RTTN: variants seen among roughly 807,000 people sequenced by gnomAD.
RTTN encodes the protein rotatin.
Under a neutral mutation model 269.2 loss-of-function variants are expected in RTTN, and 182 were observed. The ratio of observed to expected loss-of-function variants is 0.68; its 90% CI spans 0.60 to 0.76. The LOEUF is 0.76. Ranked by LOEUF, RTTN falls within the 30% of genes least tolerant of loss-of-function variation. RTTN has a pLI of 0.00. For synonymous variants in RTTN, 1,006 were observed against 963.5 expected (o/e 1.04, Z -0.82); for missense variants, 2,545 against 2,608.6 (o/e 0.98, Z 0.53).
chr18:70,170,678 C>G (rs753104527), intron 11 of RTTN, among the ~76,000 whole-genome samples: 3 of 152,144 alleles, frequency 2.0e-5, no homozygotes, highest in Non-Finnish European at 2.9e-5. Context: ...AGGAATTGTC[C>G]TCTGCTGAAA....
At chr18:70,173,064 T>C (rs1220404031) in intron 11 of RTTN, among the ~76,000 whole-genome samples, 1 of 152,118 alleles carries the variant, frequency 6.6e-6, no homozygotes, top group Non-Finnish European at 1.5e-5. Context: ...TAATGACTAG[T>C]GAATACAAGT....
chr18:70,132,839 T>C (rs1160840718), intron 23 of RTTN, among the ~76,000 whole-genome samples: 1 of 152,140 alleles, frequency 6.6e-6, no homozygotes, highest in Non-Finnish European at 1.5e-5. Context: ...AACAATTTTT[T>C]AAATGCCAAC....
intron 8 of RTTN, among the ~76,000 whole-genome samples, chr18:70,192,857 T>C (rs1443153605): frequency 1.3e-5 from 2 of 152,180 alleles, no homozygotes; most frequent in African/African-American, 4.8e-5. Context: ...ATCTATCATT[T>C]AAAGCTATTC....
At chr18:70,190,247 G>A (rs1358556230) in intron 9 of RTTN, among the ~76,000 whole-genome samples, 1 of 149,494 alleles carries the variant, frequency 6.7e-6, no homozygotes, top group African/African-American at 2.5e-5. Flanking sequence ...ATAGATGACA[G>A]CAAGAATAAA....
At chr18:70,090,757 G>T (rs1300276296) in intron 30 of RTTN, among the ~76,000 whole-genome samples, 1 of 152,152 alleles carries the variant, frequency 6.6e-6, no homozygotes, top group Non-Finnish European at 1.5e-5. Context: ...AGTGCTTCAG[G>T]AACATGGCTG....
At position 70,140,191 on chromosome 18, in the gene RTTN, G is replaced by C; in HGVS notation, c.2582-3C>G. 6.5e-7 allele frequency: 1 copy of C among 1,528,400 alleles called. No individual in the cohort carries two copies. 94.7% of individuals were successfully genotyped at this position (1,528,400 alleles called of 1,614,324 possible). On this transcript the variant is annotated splice_region_variant and splice_polypyrimidine_tract_variant and intron_variant, in intron 19 of 48. Coordinates refer to ENST00000640769, the MANE Select transcript of RTTN (RefSeq NM_173630.4). Reference sequence around the variant, plus strand: ...CACCACAGCATGCATTTTAATATCTGTAGATAAAAAAAGTTACTAAAAGTT... The same window carrying C: ...CACCACAGCATGCATTTTAATATCTCTAGATAAAAAAAGTTACTAAAAGTT...
intron 28 of RTTN, among the ~76,000 whole-genome samples, chr18:70,094,080 C>A (rs141746179): frequency 0.038 from 2,952 of 78,234 alleles, 96 homozygotes; most frequent in African/African-American, 0.081. Context: ...AGTTTATTTG[C>A]GTAGAGGTGT....
chr18:70,075,139 C>G lies in RTTN; in HGVS notation c.4564+213G>C. 2 of 375,582 alleles carry G rather than the reference C, an allele frequency of 5.3e-6. 1 individual carries two copies. Among genetic ancestry groups the G allele is most frequent in the Middle Eastern group, 1.3e-3 (2 of 1,494 alleles). 23.3% of individuals were successfully genotyped at this position (375,582 alleles called of 1,614,324 possible). On this transcript the variant is annotated intron_variant, in intron 33 of 48. Coordinates refer to ENST00000640769, the MANE Select transcript of RTTN (RefSeq NM_173630.4). The stretch of plus-strand genomic sequence containing the variant: ...TGAAAGAAGGAAATACAAAAATGTA[C>G]ACAAGATATGAACATAATTACATAA...
intron 37 of RTTN, among the ~76,000 whole-genome samples, chr18:70,055,978 T>G (rs759651742): frequency 6.6e-6 from 1 of 152,176 alleles, no homozygotes; most frequent in Non-Finnish European, 1.5e-5. Flanking sequence ...TCTGCTTAAG[T>G]GTCACCTTCA....
At position 70,091,881 on chromosome 18, in the gene RTTN, T is replaced by C. The variant is rs765628542; in HGVS notation, c.4143+229A>G. On this transcript the variant is annotated intron_variant, in intron 30 of 48. Coordinates refer to ENST00000640769, the MANE Select transcript of RTTN (RefSeq NM_173630.4). ...CATTCTCCTGCTGCAGCCTCCCAAG[T>C]AGCTGGGACTACAGGTGCCTGCCAC... 2.7e-4 allele frequency among the ~76,000 whole-genome samples: 41 copies of C among 151,924 alleles called. 1 individual carries two copies. Among genetic ancestry groups the C allele is most frequent in the Non-Finnish European group, 5.4e-4 (37 of 67,974 alleles).
At chr18:70,054,088 A>C in intron 38 of RTTN, 43 bp downstream of exon 38, 5 of 1,497,012 alleles carry the variant, frequency 3.3e-6, no homozygotes, top group South Asian at 2.4e-5. Flanking sequence ...TTTTTTCCTC[A>C]GTATTATTCA....
intron 40 of RTTN, chr18:70,031,474 T>C (rs984069431): frequency 7.6e-6 from 3 of 397,232 alleles, no homozygotes; most frequent in South Asian, 2.7e-4. Context: ...GCACCTGTCA[T>C]ATAACATTTT....
At chr18:70,094,733 T>C (rs183490429) in intron 28 of RTTN, among the ~76,000 whole-genome samples, 9 of 152,328 alleles carry the variant, frequency 5.9e-5, no homozygotes, top group Admixed American at 5.9e-4. Context: ...ATAAGTGCGA[T>C]GTGGTGCTGA....
At position 70,205,114 on chromosome 18, in the gene RTTN, C is replaced by A. The variant is rs900590466; in HGVS notation, c.219+14G>T. The A allele has an allele frequency of 4.4e-6, 7 of 1,605,606 alleles. No homozygotes were observed. The Middle Eastern group carries it at 5.0e-4, about 114-fold the overall frequency. On this transcript the variant is annotated intron_variant, in intron 2 of 48. Transcript: ENST00000640769. ...ACTCGTCTGATTATTTTCTTTATTTCAAAATGACCCTACCTTAACCAATCT... is the reference window on the plus strand; with the variant it reads ...ACTCGTCTGATTATTTTCTTTATTTAAAAATGACCCTACCTTAACCAATCT...
chr18:70,190,132 C>A (rs2061636446), intron 9 of RTTN, among the ~76,000 whole-genome samples: 1 of 151,908 alleles, frequency 6.6e-6, no homozygotes, highest in African/African-American at 2.4e-5. Flanking sequence ...TTTTTTTATT[C>A]TGGTCTATTC....
intron 23 of RTTN, 143 bp from the exon 24 acceptor site, chr18:70,128,689 TATC>T (rs1419702208): frequency 1.6e-6 from 1 of 626,768 alleles, no homozygotes; most frequent in Non-Finnish European, 2.8e-6. Context: ...TTTAAACAAT[TATC>T]ATAATTTATA....
chr18:70,027,209 A>G (rs1599159659), intron 43 of RTTN, among the ~76,000 whole-genome samples: 1 of 151,732 alleles, frequency 6.6e-6, no homozygotes, highest in Non-Finnish European at 1.5e-5. Flanking sequence ...CAGTATGAAA[A>G]CCCCTAATGT....
intron 28 of RTTN, among the ~76,000 whole-genome samples, chr18:70,105,643 T>C (rs566967046): frequency 7.9e-5 from 12 of 152,202 alleles, no homozygotes; most frequent in Non-Finnish European, 1.5e-4. Flanking sequence ...AAATTTATTT[T>C]ATTAAAGGGA....
At chr18:70,037,963 A>T (rs1442616399) in intron 40 of RTTN, among the ~76,000 whole-genome samples, 1 of 152,204 alleles carries the variant, frequency 6.6e-6, no homozygotes, top group Non-Finnish European at 1.5e-5. Flanking sequence ...GAACATTGGC[A>T]GCAGCGTGGT....
Sources: gnomAD v4.1 joint callset for allele counts (sites outside exome capture counted in the v4.1 genomes callset) on GRCh38, gnomAD v4.1.1 for gene constraint, MANE v1.5 for transcripts, NCBI Gene and HGNC (gene_info 2026-07-23, HGNC 2026-07-21) for gene names.